Variants in WDR6 observed in about 807,000 individuals in gnomAD.
WDR6 encodes tRNA (34-2'-O)-methyltransferase regulator WDR6.
A neutral mutation model predicts 85.6 loss-of-function variants in WDR6; 58 were observed. The observed-to-expected ratio is 0.68, with a 90% confidence interval of 0.55 to 0.84. WDR6 has a LOEUF of 0.84. Ranked by LOEUF, WDR6 falls within the 40% of genes least tolerant of loss-of-function variation. The pLI, the probability that WDR6 is intolerant of heterozygous loss-of-function variation, is 0.00. For missense variants in WDR6, 1,310 were observed against 1,476.4 expected, an observed-to-expected ratio of 0.89 and a Z score of 1.85; for synonymous variants, 569 against 582.2, an observed-to-expected ratio of 0.98 and a Z score of 0.33.
In WDR6 at chr3:49,013,492, G is replaced by A; in HGVS notation, c.1958G>A (p.Cys653Tyr). Residue 653 changes from cysteine to tyrosine, a missense_variant, in exon 2 of 6, where the codon TGT (cysteine) becomes TAT (tyrosine). Cys to Tyr is a radical substitution (Grantham distance 194). Coordinates refer to ENST00000608424, the MANE Select transcript of WDR6 (RefSeq NM_018031.6). The surrounding 1 kb of genome is among the most constrained non-coding windows in gnomAD (Gnocchi z 4.6). ...RSHEKLHIVN[C>Y]GGGHRSWAFS... The stretch of plus-strand genomic sequence containing the variant: ...CACGAGAAGCTGCACATCGTCAACT[G>A]TGGTGGAGGGCACCGTTCGTGGGCA... 2 of 1,614,130 alleles carry A rather than the reference G, an allele frequency of 1.2e-6. No individual in the cohort carries two copies. The highest frequency in any genetic ancestry group is 1.7e-6 in the Non-Finnish European group (2 of 1,180,030).
Position 49,007,681 on chromosome 3 carries a change from T to C in WDR6, c.100+150T>C, listed in dbSNP as rs2092990853. 1 of 1,323,338 alleles carries C rather than the reference T, an allele frequency of 7.6e-7. No individual in the cohort carries two copies. Among genetic ancestry groups the C allele is most frequent in the African/African-American group, 1.5e-5 (1 of 66,402 alleles). The allele number at this position is 1,323,338 out of a possible 1,614,324, so 82.0% of individuals were successfully genotyped here. Reference sequence around the variant, plus strand: ...GGAGGTGGGAAGGGAGCCCCGGAGATGGCGGGGACGAGGGCCAACCTGAAG... The same window carrying C: ...GGAGGTGGGAAGGGAGCCCCGGAGACGGCGGGGACGAGGGCCAACCTGAAG... On this transcript the variant is annotated intron_variant, in intron 1 of 5. Transcript: ENST00000608424. The surrounding 1 kb of genome is among the most constrained non-coding windows in gnomAD (Gnocchi z 5.1).
At position 49,012,807 on chromosome 3, in the gene WDR6, C is replaced by A; in HGVS notation, c.1273C>A (p.Pro425Thr). The change falls in exon 2 of 6, where the codon CCA (proline) becomes ACA (threonine). Residue 425 changes from proline to threonine, a missense_variant. Pro to Thr is a conservative substitution (Grantham distance 38, BLOSUM62 -1). Transcript: ENST00000608424. This position sits in a 1 kb window ranked among gnomAD's most constrained non-coding sequence, Gnocchi z 4.4. ...TGTCAAGGTTGTCCCCATCAACACTCCAACTGCTGCTGTGGACCAGACCCT... is the reference window on the plus strand; with the variant it reads ...TGTCAAGGTTGTCCCCATCAACACTACAACTGCTGCTGTGGACCAGACCCT... ...GRVKVVPINT[P>T]TAAVDQTLFP... is the part of the protein sequence containing the mutation. The A allele has an allele frequency of 6.2e-7, 1 of 1,613,966 alleles. No homozygotes were observed. The highest frequency in any genetic ancestry group is 1.1e-5 in the South Asian group (1 of 91,076).
Position 49,015,633 on chromosome 3 carries a change from A to G in WDR6, c.*345A>G. ...GGAGACCCAGCATAGCCAGGCCAGT[A>G]TGGAGCACCTCACGCACAGCTCTCA... On this transcript the variant is annotated 3_prime_UTR_variant, in exon 6 of 6. Transcript: ENST00000608424. 1 of 1,614,148 alleles carries G rather than the reference A, an allele frequency of 6.2e-7. No individual in the cohort carries two copies. The highest frequency in any genetic ancestry group is 8.5e-7 in the Non-Finnish European group (1 of 1,180,018).
At position 49,012,575 on chromosome 3, in the gene WDR6, G is replaced by A. The variant is rs772389627; in HGVS notation, c.1041G>A (p.Arg347=). The change falls in exon 2 of 6, where the codon AGG becomes AGA. Residue 347 remains arginine, a synonymous_variant. Transcript: ENST00000608424. The surrounding 1 kb of genome is among the most constrained non-coding windows in gnomAD (Gnocchi z 4.4). ...VSALCFKSRS[R]PGTLKAVTLA... Reference sequence around the variant, plus strand: ...CTCTCTGCTTCAAGTCCCGTAGTAGGCCAGGTACACTCAAGGCTGTGACTC... The same window carrying A: ...CTCTCTGCTTCAAGTCCCGTAGTAGACCAGGTACACTCAAGGCTGTGACTC... 17 of 1,614,080 alleles carry A rather than the reference G, an allele frequency of 1.1e-5. No homozygotes were observed. The East Asian group carries it at 3.1e-4, about 30-fold the overall frequency.
chr3:49,011,888 G>A lies in WDR6; in HGVS notation c.354G>A (p.Trp118Ter). The A allele has an allele frequency of 6.2e-7, 1 of 1,614,234 alleles. No homozygotes were observed. The highest frequency in any genetic ancestry group is 1.1e-5 in the South Asian group (1 of 91,084). Residue 118 changes from tryptophan to a stop codon, truncating the protein, a stop_gained, in exon 2 of 6, where the codon TGG becomes TGA. Coordinates refer to ENST00000608424, the MANE Select transcript of WDR6 (RefSeq NM_018031.6). LOFTEE classifies it high-confidence loss of function. ...CTGGCCTGTGGAACATGTCTGACTG[G>A]ATTTGGGATGCACGCTGGCTTGAGG... ...WRSGLWNMSDWIWDARWLEGN... is the reference protein window; with the variant it reads ...WRSGLWNMSD
At chr3:49,010,715 G>A (rs2093009638) in intron 1 of WDR6, among the ~76,000 whole-genome samples, 1 of 151,168 alleles carries the variant, frequency 6.6e-6, no homozygotes, top group Admixed American at 6.6e-5. Flanking sequence ...CCGGGCATGG[G>A]GGCAGGCCCC....
Position 49,013,994 on chromosome 3 carries a change from G to A in WDR6, c.2460G>A (p.Pro820=), listed in dbSNP as rs539982627. 7.4e-6 allele frequency: 12 copies of A among 1,611,642 alleles called. No individual in the cohort carries two copies. The highest frequency in any genetic ancestry group is 5.0e-5 in the Admixed American group (3 of 60,024). ...EMHCFSIMVT[P]DPSTPSRLAC... ...ACTGCTTCAGCATCATGGTTACTCC[G>A]GACCCCAGCACCCCAAGCCGCCTCG... Residue 820 remains proline, a synonymous_variant, in exon 2 of 6, where the codon CCG becomes CCA. Transcript: ENST00000608424. The surrounding 1 kb of genome is among the most constrained non-coding windows in gnomAD (Gnocchi z 4.6).
At position 49,012,551 on chromosome 3, in the gene WDR6, T is replaced by G; in HGVS notation, c.1017T>G (p.Ala339=). The G allele has an allele frequency of 1.2e-6, 2 of 1,613,972 alleles. No homozygotes were observed. Among genetic ancestry groups the G allele is most frequent in the Non-Finnish European group, 1.7e-6 (2 of 1,179,998 alleles). Residue 339 remains alanine, a synonymous_variant, in exon 2 of 6, where the codon GCT becomes GCG. Transcript: ENST00000608424. This position sits in a 1 kb window ranked among gnomAD's most constrained non-coding sequence, Gnocchi z 4.4. ...GRGYRGLGVS[A]LCFKSRSRPG... Reference sequence around the variant, plus strand: ...GGTACCGGGGATTGGGGGTCTCGGCTCTCTGCTTCAAGTCCCGTAGTAGGC... The same window carrying G: ...GGTACCGGGGATTGGGGGTCTCGGCGCTCTGCTTCAAGTCCCGTAGTAGGC...
At position 49,013,168 on chromosome 3, in the gene WDR6, G is replaced by A; in HGVS notation, c.1634G>A (p.Ser545Asn). The A allele has an allele frequency of 6.2e-7, 1 of 1,611,804 alleles. No homozygotes were observed. The change falls in exon 2 of 6, where the codon AGT becomes AAT. Residue 545 changes from serine to asparagine, a missense_variant. Transcript: ENST00000608424. This position sits in a 1 kb window ranked among gnomAD's most constrained non-coding sequence, Gnocchi z 4.6. Reference protein sequence around the residue: ...RAGAGAPVVGSGSSGGGNAFT... With the variant: ...RAGAGAPVVGNGSSGGGNAFT... Reference sequence around the variant, plus strand: ...GGTGCTGGGGCACCTGTAGTGGGTAGTGGTAGTAGTGGGGGTGGGAATGCT... The same window carrying A: ...GGTGCTGGGGCACCTGTAGTGGGTAATGGTAGTAGTGGGGGTGGGAATGCT...
rs776055239 is a variant in WDR6, at chr3:49,007,399, A to T, written c.-33A>T. ...CTCGCGAGAGTTCAGCTCCCTTCTT[A>T]GCCGTGGCTGCCTCAGCACCTCGAG... On this transcript the variant is annotated 5_prime_UTR_variant, in exon 1 of 6. Coordinates refer to ENST00000608424, the MANE Select transcript of WDR6 (RefSeq NM_018031.6). The surrounding 1 kb of genome is among the most constrained non-coding windows in gnomAD (Gnocchi z 5.1). 2.5e-6 allele frequency: 4 copies of T among 1,595,754 alleles called. No individual in the cohort carries two copies. The highest frequency in any genetic ancestry group is 3.4e-6 in the Non-Finnish European group (4 of 1,172,080).
intron 1 of WDR6, chr3:49,011,371 G>C (rs773322079): frequency 1.5e-5 from 19 of 1,279,292 alleles, no homozygotes; most frequent in Non-Finnish European, 2.0e-5. Flanking sequence ...GAGCCACCGT[G>C]CCTGGCCGAG....
chr3:49,010,882 T>G (rs1047800949), intron 1 of WDR6, among the ~76,000 whole-genome samples: 5 of 132,362 alleles, frequency 3.8e-5, no homozygotes, highest in African/African-American at 8.8e-5. Flanking sequence ...CCAGGTGTGG[T>G]GGTGGGCGCC....
intron 1 of WDR6, chr3:49,011,316 TG>T: frequency 1.7e-6 from 1 of 600,982 alleles, no homozygotes; most frequent in Non-Finnish European, 2.6e-6. Flanking sequence ...TGACCTCAGG[TG>T]ATTCATCCGC....
rs766039726 is a variant in WDR6, at chr3:49,013,721, C to T, written c.2187C>T (p.Asp729=). 10 of 1,613,924 alleles carry T rather than the reference C, an allele frequency of 6.2e-6. No individual in the cohort carries two copies. The highest frequency in any genetic ancestry group is 3.3e-5 in the Admixed American group (2 of 60,004). ...YGVPSFMQPD[D]LEPGSEGPDL... is the part of the protein sequence containing the mutation. ...TGCCCAGCTTCATGCAGCCTGATGACCTGGAGCCTGGCAGTGAGGGGCCCG... is the reference window on the plus strand; with the variant it reads ...TGCCCAGCTTCATGCAGCCTGATGATCTGGAGCCTGGCAGTGAGGGGCCCG... The change falls in exon 2 of 6, where the codon GAC becomes GAT. Residue 729 remains aspartate, a synonymous_variant. Coordinates refer to ENST00000608424, the MANE Select transcript of WDR6 (RefSeq NM_018031.6). The surrounding 1 kb of genome is among the most constrained non-coding windows in gnomAD (Gnocchi z 4.6).
At position 49,012,203 on chromosome 3, in the gene WDR6, G is replaced by C. The variant is rs775284091; in HGVS notation, c.669G>C (p.Leu223Phe). Residue 223 changes from leucine to phenylalanine, a missense_variant, in exon 2 of 6, where the codon TTG becomes TTC. By Grantham distance (22) the Leu-to-Phe change is conservative (BLOSUM62 0). Coordinates refer to ENST00000608424, the MANE Select transcript of WDR6 (RefSeq NM_018031.6). This position sits in a 1 kb window ranked among gnomAD's most constrained non-coding sequence, Gnocchi z 4.4. Reference sequence around the variant, plus strand: ...TGTCATACCTGGAAAGCAAGGGATTGCTGGCTACAGCTTCAGAAGACCGAA... The same window carrying C: ...TGTCATACCTGGAAAGCAAGGGATTCCTGGCTACAGCTTCAGAAGACCGAA... The part of the protein sequence containing the change: ...FSMSYLESKG[L>F]LATASEDRSV... 120 of 1,614,268 alleles carry C rather than the reference G, an allele frequency of 7.4e-5. No homozygotes were observed. The Middle Eastern group carries it at 8.2e-4, about 11-fold the overall frequency.
Position 49,014,107 on chromosome 3 carries a change from C to T in WDR6, c.2573C>T (p.Pro858Leu). The T allele has an allele frequency of 6.2e-7, 1 of 1,613,134 alleles. No individual in the cohort carries two copies. The highest frequency in any genetic ancestry group is 8.5e-7 in the Non-Finnish European group (1 of 1,179,364). Residue 858 changes from proline to leucine, a missense_variant, in exon 2 of 6, where the codon CCA becomes CTA. Transcript: ENST00000608424. This position sits in a 1 kb window ranked among gnomAD's most constrained non-coding sequence, Gnocchi z 4.9. Reference protein sequence around the residue: ...RNRHRMVKVDPETRYMSLAVC... With the variant: ...RNRHRMVKVDLETRYMSLAVC... ...CGGCATCGGATGGTTAAGGTAGACC[C>T]AGAGACCAGGTAATATATGCTCCTG...
intron 1 of WDR6, among the ~76,000 whole-genome samples, chr3:49,008,678 G>T (rs1039181460): frequency 3.9e-5 from 6 of 152,132 alleles, no homozygotes; most frequent in African/African-American, 1.4e-4. Context: ...AAGGAAGCTG[G>T]ACAAGCGAGC....
rs760184519 is a variant in WDR6, at chr3:49,015,850, A to C, written c.*562A>C. 6.8e-6 allele frequency: 11 copies of C among 1,613,998 alleles called. No individual in the cohort carries two copies. The Admixed American group carries it at 1.8e-4, about 27-fold the overall frequency. The stretch of plus-strand genomic sequence containing the variant: ...GTAGTAGGAGCTGAAATCCATGCTG[A>C]GCTGTACCAGGAACTTGCATATCTA... On this transcript the variant is annotated 3_prime_UTR_variant, in exon 6 of 6. Transcript: ENST00000608424.
In WDR6 at chr3:49,013,132, A is replaced by C; in HGVS notation, c.1598A>C (p.Lys533Thr). The C allele has an allele frequency of 1.2e-6, 2 of 1,607,670 alleles. No homozygotes were observed. The highest frequency in any genetic ancestry group is 1.7e-6 in the Non-Finnish European group (2 of 1,175,824). Residue 533 changes from lysine (K) to threonine (T), a missense_variant, in exon 2 of 6, where the codon AAG becomes ACG. By Grantham distance (78) the Lys-to-Thr change is moderately conservative. Transcript: ENST00000608424. This position sits in a 1 kb window ranked among gnomAD's most constrained non-coding sequence, Gnocchi z 4.6. ...GLLKDPGVGGKARAGAGAPVV... is the reference protein window; with the variant it reads ...GLLKDPGVGGTARAGAGAPVV... ...CTCAAGGACCCTGGGGTGGGAGGCAAGGCTCGGGCTGGTGCTGGGGCACCT... is the reference window on the plus strand; with the variant it reads ...CTCAAGGACCCTGGGGTGGGAGGCACGGCTCGGGCTGGTGCTGGGGCACCT...
Sources: allele counts gnomAD v4.1 joint callset (sites outside exome capture counted in the v4.1 genomes callset), GRCh38; gene constraint gnomAD v4.1.1; non-coding constraint Gnocchi (gnomAD v3.1); transcripts MANE v1.5; gene names NCBI Gene and HGNC (gene_info 2026-07-23, HGNC 2026-07-21).